Variants in ARHGEF3 observed in about 807,000 individuals in gnomAD.
ARHGEF3 encodes the protein 59.8 kDA protein.
In ARHGEF3, 28 loss-of-function variants were observed where a neutral mutation model predicts 63.2. That is an observed-to-expected ratio of 0.44 (90% CI 0.33 to 0.61). The LOEUF (loss-of-function observed/expected upper bound fraction) is 0.61. Ranked by LOEUF, ARHGEF3 falls within the 20% of genes least tolerant of loss-of-function variation. The pLI, the probability that ARHGEF3 is intolerant of heterozygous loss-of-function variation, is 0.03. For synonymous variants in ARHGEF3, 266 were observed against 254.2 expected (o/e 1.05, Z -0.44); for missense variants, 533 against 659.3 (o/e 0.81, Z 2.10).
chr3:56,975,192 C>T lies in ARHGEF3; in HGVS notation c.63-16303G>A, dbSNP rs188254266. On this transcript the variant is annotated intron_variant, in intron 2 of 12. Coordinates refer to the ARHGEF3 transcript ENST00000338458. ...CATCACTCTGGGAGGCCGAGGCAGG[C>T]GGATCATTTGAGGTCAGGAGTATGA... Among the ~76,000 whole-genome samples, 527 of 152,196 alleles carry T rather than the reference C, an allele frequency of 3.5e-3. 4 individuals are homozygous for T. Among genetic ancestry groups the T allele is most frequent in the African/African-American group, 0.012 (491 of 41,534 alleles).
chr3:56,987,925 A>G (rs1701606412), intron 2 of ARHGEF3, among the ~76,000 whole-genome samples: 1 of 152,196 alleles, frequency 6.6e-6, no homozygotes, highest in Admixed American at 6.5e-5. Flanking sequence ...TGTGCACACC[A>G]CTGGCTTACC....
In ARHGEF3 at chr3:56,977,222, G is replaced by A. The variant is rs533461954; in HGVS notation, c.63-18333C>T. 8.5e-5 allele frequency: 39 copies of A among 456,514 alleles called. No homozygotes were observed. The East Asian group carries it at 2.6e-3, about 30-fold the overall frequency. 28.3% of individuals were successfully genotyped at this position (456,514 alleles called of 1,614,324 possible). A position where few individuals can be genotyped will look rare whatever the true frequency, so the allele number is the denominator to read the frequency against. ...TTTTCTGGCTGCCTAATCCACAAGA[G>A]CCACAAACTGGGGCGAGAAAAATGA... On this transcript the variant is annotated intron_variant, in intron 2 of 12. Transcript: ENST00000338458.
chr3:56,937,953 C>A (rs769026118), intron 3 of ARHGEF3, among the ~76,000 whole-genome samples: 1 of 152,152 alleles, frequency 6.6e-6, no homozygotes, highest in Non-Finnish European at 1.5e-5. Context: ...AGTCTCATTC[C>A]CCCTTTTCTC....
chr3:56,926,455 C>CT (rs1190158766), intron 3 of ARHGEF3, among the ~76,000 whole-genome samples: 3 of 152,224 alleles, frequency 2.0e-5, no homozygotes, highest in Non-Finnish European at 4.4e-5. Context: ...GAATACAGTA[C>CT]TAGTCAGATG....
At position 56,776,292 on chromosome 3, in the gene ARHGEF3, C is replaced by T. The variant is rs1428527188; in HGVS notation, c.97-2476G>A. 9.9e-5 allele frequency among the ~76,000 whole-genome samples: 15 copies of T among 152,208 alleles called. No homozygotes were observed. The East Asian group carries it at 2.7e-3, about 27-fold the overall frequency. ...CTGAAGGTTGAGTGCAGTGCTGCTA[C>T]GTGAGATTGTAATTAAAACTGATTT... is the stretch of plus-strand genomic sequence containing the variant. On this transcript the variant is annotated intron_variant, in intron 1 of 9. Transcript: ENST00000296315.
intron 2 of ARHGEF3, among the ~76,000 whole-genome samples, chr3:56,762,532 A>C (rs941729709): frequency 1.3e-5 from 2 of 152,136 alleles, no homozygotes; most frequent in Non-Finnish European, 2.9e-5. Context: ...GTCAGAGGAA[A>C]TGTAAACCCA....
Position 56,753,546 on chromosome 3 carries a change from T to C in ARHGEF3, c.396A>G (p.Gln132=). Residue 132 remains glutamine, a synonymous_variant, in exon 4 of 10, where the codon CAA becomes CAG. Coordinates refer to ENST00000296315, the MANE Select transcript of ARHGEF3 (RefSeq NM_019555.3). The part of the protein sequence containing the change: ...KRQEAIFELS[Q]GEEDLIEDLK... ...AGTCTTCTATCAAGTCTTCTTCTCC[T>C]TGGGAAAGCTCAAAGATCGCCTGCA... 3 of 1,613,862 alleles carry C rather than the reference T, an allele frequency of 1.9e-6. No homozygotes were observed. The highest frequency in any genetic ancestry group is 2.5e-6 in the Non-Finnish European group (3 of 1,179,982).
intron 4 of ARHGEF3, among the ~76,000 whole-genome samples, chr3:56,832,946 A>G (rs911235310): frequency 2.6e-5 from 4 of 152,220 alleles, no homozygotes; most frequent in Non-Finnish European, 5.9e-5. Flanking sequence ...ATGTTGTAGC[A>G]TGCATCAGTA....
At chr3:56,737,442 C>G (rs1288184270) in intron 7 of ARHGEF3, 87 bp from the exon 8 acceptor site, 20 of 1,037,464 alleles carry the variant, frequency 1.9e-5, no homozygotes, top group Non-Finnish European at 2.6e-5. Flanking sequence ...AGAAGGACAC[C>G]AGGACACACC....
intron 4 of ARHGEF3, among the ~76,000 whole-genome samples, chr3:56,840,873 C>T (rs1024518742): frequency 4.6e-5 from 7 of 151,962 alleles, no homozygotes; most frequent in Non-Finnish European, 5.9e-5. Context: ...TAGAATGCTG[C>T]TTTATTAAAT....
intron 1 of ARHGEF3, among the ~76,000 whole-genome samples, chr3:56,793,295 G>A (rs1464189902): frequency 6.6e-6 from 1 of 151,606 alleles, no homozygotes; most frequent in Non-Finnish European, 1.5e-5. Context: ...TCAGCCTCCC[G>A]AGTAGCTGGG....
chr3:56,873,292 T>C (rs1345996703), intron 4 of ARHGEF3, among the ~76,000 whole-genome samples: 4 of 151,878 alleles, frequency 2.6e-5, no homozygotes, highest in African/African-American at 9.7e-5. Context: ...ACATGTGTCA[T>C]GGGGGTTTGT....
intron 1 of ARHGEF3, among the ~76,000 whole-genome samples, chr3:57,055,208 C>A (rs1704868492): frequency 6.8e-6 from 1 of 146,674 alleles, no homozygotes; most frequent in Non-Finnish European, 1.5e-5. Flanking sequence ...GTTGCCCAGA[C>A]TGGAGAGCAG....
At chr3:57,000,777 C>T (rs1472275310) in intron 2 of ARHGEF3, among the ~76,000 whole-genome samples, 1 of 152,110 alleles carries the variant, frequency 6.6e-6, no homozygotes, top group Non-Finnish European at 1.5e-5. Context: ...AAGTGATCCA[C>T]CCGACTCAGC....
intron 1 of ARHGEF3, among the ~76,000 whole-genome samples, chr3:57,037,701 C>T (rs1281122007): frequency 6.6e-6 from 1 of 152,124 alleles, no homozygotes; most frequent in East Asian, 1.9e-4. Flanking sequence ...GGTGAAAACC[C>T]GTCTCTATTA....
chr3:56,953,216 C>A (rs1699890926), intron 3 of ARHGEF3, among the ~76,000 whole-genome samples: 1 of 152,178 alleles, frequency 6.6e-6, no homozygotes, highest in Admixed American at 6.5e-5. Context: ...ACTGACCTGG[C>A]CTGGTGTGTT....
intron 2 of ARHGEF3, among the ~76,000 whole-genome samples, chr3:57,013,754 C>T (rs979956467): frequency 2.0e-5 from 3 of 152,200 alleles, no homozygotes; most frequent in East Asian, 1.9e-4. Context: ...CCAATCAGCA[C>T]TTGGTGTCTA....
At chr3:56,769,867 G>A (rs1285607257) in intron 2 of ARHGEF3, among the ~76,000 whole-genome samples, 1 of 152,204 alleles carries the variant, frequency 6.6e-6, no homozygotes, top group Admixed American at 6.5e-5. Flanking sequence ...TACTGCAACA[G>A]AGAACCAAGC....
chr3:56,888,594 C>T (rs887669366), intron 3 of ARHGEF3, among the ~76,000 whole-genome samples: 2 of 152,130 alleles, frequency 1.3e-5, no homozygotes, highest in Non-Finnish European at 2.9e-5. Flanking sequence ...AAAAACCCTA[C>T]CACTGCTTCT....
Sources: gnomAD v4.1 joint callset for allele counts (sites outside exome capture counted in the v4.1 genomes callset) on GRCh38, gnomAD v4.1.1 for gene constraint, MANE v1.5 for transcripts, NCBI Gene and HGNC (gene_info 2026-07-23, HGNC 2026-07-21) for gene names.